JAM3: variants seen among roughly 807,000 people sequenced by gnomAD.
JAM3 encodes the protein junctional adhesion molecule C.
Under a neutral mutation model 39.4 loss-of-function variants are expected in JAM3, and 31 were observed. That is an observed-to-expected ratio of 0.79 (90% CI 0.59 to 1.06). The LOEUF (loss-of-function observed/expected upper bound fraction) is 1.06, where lower values mean the gene tolerates loss of function less well. Among genes scored for constraint, JAM3 ranks in the 50% least tolerant of loss-of-function variants. JAM3 has a pLI of 0.00. For missense variants in JAM3, 455 were observed against 391.4 expected (o/e 1.16, Z -1.37); for synonymous variants, 182 against 148.7 (o/e 1.22, Z -1.63).
chr11:134,139,641 C>G (rs1000405765), intron 1 of JAM3: 16 of 589,792 alleles, frequency 2.7e-5, no homozygotes, highest in Non-Finnish European at 4.9e-5. Context: ...TAGAACTCTT[C>G]TCTTTCCCTT....
chr11:134,098,012 T>A (rs1279106281), intron 1 of JAM3, among the ~76,000 whole-genome samples: 3 of 152,292 alleles, frequency 2.0e-5, no homozygotes, highest in Middle Eastern at 3.4e-3. Flanking sequence ...AAAACCTATA[T>A]ACTTTATGAA....
intron 1 of JAM3, among the ~76,000 whole-genome samples, chr11:134,120,144 G>T (rs756610578): frequency 1.3e-5 from 2 of 152,038 alleles, no homozygotes; most frequent in African/African-American, 4.8e-5. Flanking sequence ...CTTCTCTAGG[G>T]TAGACTCTGC....
intron 1 of JAM3, among the ~76,000 whole-genome samples, chr11:134,138,136 T>C (rs1357439275): frequency 7.5e-6 from 1 of 133,156 alleles, no homozygotes; most frequent in Non-Finnish European, 1.6e-5. Flanking sequence ...CTGAGAGAAA[T>C]GTTTATGGCC....
At chr11:134,092,183 C>G (rs1941873538) in intron 1 of JAM3, among the ~76,000 whole-genome samples, 1 of 152,138 alleles carries the variant, frequency 6.6e-6, no homozygotes. Context: ...GCTCCCTTGG[C>G]TCACTTTCAT....
At chr11:134,092,643 A>G (rs61909684) in intron 1 of JAM3, among the ~76,000 whole-genome samples, 5 of 131,440 alleles carry the variant, frequency 3.8e-5, no homozygotes, top group Non-Finnish European at 6.4e-5. Context: ...CTTATTCATC[A>G]TGTTCCATCT....
chr11:134,076,590 G>A (rs1941574595), intron 1 of JAM3, among the ~76,000 whole-genome samples: 1 of 152,088 alleles, frequency 6.6e-6, no homozygotes, highest in African/African-American at 2.4e-5. Context: ...TGGTTTCTTT[G>A]CTTGTATTAT....
rs1565506158 is a variant in JAM3, at chr11:134,145,870, T to A, written c.613-76T>A. On this transcript the variant is annotated intron_variant, in intron 5 of 8. Coordinates refer to ENST00000299106, the MANE Select transcript of JAM3 (RefSeq NM_032801.5). ...AAGCGAGCAGGTGTCGACCTAGTTC[T>A]GGACCCAGCTGGCTGTGCTCTCAGA... The A allele has an allele frequency of 9.4e-6, 9 of 956,686 alleles. No homozygotes were observed. The East Asian group carries it at 2.1e-4, about 23-fold the overall frequency. 59.3% of individuals were successfully genotyped at this position (956,686 alleles called of 1,614,324 possible).
At chr11:134,144,476 C>A in intron 4 of JAM3, 83 bp downstream of exon 4, 3 of 1,519,464 alleles carry the variant, frequency 2.0e-6, no homozygotes, top group South Asian at 1.1e-5. Context: ...CCTTCTAGAA[C>A]TGTATCCCTG....
At chr11:134,084,611 G>C (rs929909856) in intron 1 of JAM3, among the ~76,000 whole-genome samples, 1 of 152,144 alleles carries the variant, frequency 6.6e-6, no homozygotes, top group African/African-American at 2.4e-5. Context: ...GGAGAGATTT[G>C]CTGTTACTAA....
chr11:134,124,589 A>G (rs1942606878), intron 1 of JAM3, among the ~76,000 whole-genome samples: 2 of 152,242 alleles, frequency 1.3e-5, no homozygotes, highest in South Asian at 2.1e-4. Context: ...CTCCAAAAAA[A>G]TCCAACTACA....
At position 134,151,656 on chromosome 11, in the gene JAM3, G is replaced by C. The variant is rs1943240327; in HGVS notation, c.*2475G>C. On this transcript the variant is annotated 3_prime_UTR_variant, in exon 9 of 9. Coordinates refer to ENST00000299106, the MANE Select transcript of JAM3 (RefSeq NM_032801.5). ...ATACGAGGCTGTGATTCTGCCTTTG[G>C]ATGGATGTTGCTGTACACAGATGCT... The C allele has an allele frequency of 6.6e-6, 1 of 152,154 alleles. No homozygotes were observed. The highest frequency in any genetic ancestry group is 1.5e-5 in the Non-Finnish European group (1 of 68,046). The allele number at this position is 152,154 out of a possible 1,614,324, so 9.4% of individuals were successfully genotyped here.
rs1049972073 is a variant in JAM3 at position 134,149,542 on chromosome 11, G to T, written c.*361G>T. 6.0e-6 allele frequency: 3 copies of T among 497,164 alleles called. No homozygotes were observed. Among genetic ancestry groups the T allele is most frequent in the East Asian group, 1.1e-4 (2 of 18,110 alleles). 30.8% of individuals were successfully genotyped at this position (497,164 alleles called of 1,614,324 possible). A position where few individuals can be genotyped will look rare whatever the true frequency, so the allele number is the denominator to read the frequency against. ...CTGTGAAGCCAGCATGTTCACCACT[G>T]GTCGTTCAGCAGCCACGACAGCACC... On this transcript the variant is annotated 3_prime_UTR_variant, in exon 9 of 9. Coordinates refer to ENST00000299106, the MANE Select transcript of JAM3 (RefSeq NM_032801.5).
chr11:134,143,707 T>G (rs1408187377), intron 3 of JAM3, among the ~76,000 whole-genome samples: 1 of 152,264 alleles, frequency 6.6e-6, no homozygotes, highest in African/African-American at 2.4e-5. Flanking sequence ...TTTTAGTGTG[T>G]GCTTGTGCTT....
At chr11:134,108,868 G>C (rs1942254286) in intron 1 of JAM3, among the ~76,000 whole-genome samples, 1 of 152,034 alleles carries the variant, frequency 6.6e-6, no homozygotes, top group Non-Finnish European at 1.5e-5. Context: ...GGAATAGAGG[G>C]AGTTTCCCAA....
intron 1 of JAM3, among the ~76,000 whole-genome samples, chr11:134,131,445 G>A (rs1942768709): frequency 6.6e-6 from 1 of 151,192 alleles, no homozygotes; most frequent in Admixed American, 6.6e-5. Flanking sequence ...TGGGGGAGGG[G>A]GGACAATCTG....
At chr11:134,145,836 G>A in intron 5 of JAM3, 110 bp from the exon 6 acceptor site, 1 of 778,726 alleles carries the variant, frequency 1.3e-6, no homozygotes, top group Non-Finnish European at 2.3e-6. Flanking sequence ...TGCTGGGGAA[G>A]CTGAAAGCAA....
chr11:134,143,195 G>C (rs537567403), intron 3 of JAM3, among the ~76,000 whole-genome samples: 136 of 152,224 alleles, frequency 8.9e-4, no homozygotes, highest in Non-Finnish European at 1.6e-3. Flanking sequence ...GCTGCTTTAC[G>C]ATTTTACACT....
intron 1 of JAM3, among the ~76,000 whole-genome samples, chr11:134,106,316 C>A (rs1291810408): frequency 1.3e-5 from 2 of 151,980 alleles, no homozygotes; most frequent in African/African-American, 4.8e-5. Context: ...GAAACTGGAT[C>A]CCTTCCTTAC....
chr11:134,140,426 A>G (rs957413032), intron 2 of JAM3, among the ~76,000 whole-genome samples: 2 of 152,156 alleles, frequency 1.3e-5, no homozygotes, highest in Non-Finnish European at 2.9e-5. Flanking sequence ...TTTCTTATAT[A>G]CAAGCAGGGT....
Sources: gnomAD v4.1 joint callset for allele counts (sites outside exome capture counted in the v4.1 genomes callset) on GRCh38, gnomAD v4.1.1 for gene constraint, MANE v1.5 for transcripts, NCBI Gene and HGNC (gene_info 2026-07-23, HGNC 2026-07-21) for gene names.